ACAP2: variants seen among roughly 807,000 people sequenced by gnomAD.
ACAP2 encodes ArfGAP with coiled-coil, ankyrin repeat and PH domains 2.
Under a neutral mutation model 115.8 loss-of-function variants are expected in ACAP2, and 39 were observed. That is an observed-to-expected ratio of 0.34 (90% CI 0.26 to 0.44). The LOEUF (loss-of-function observed/expected upper bound fraction) is 0.44. Ranked by LOEUF, ACAP2 falls within the 20% of genes least tolerant of loss-of-function variation. ACAP2 has a pLI of 1.00. For synonymous variants in ACAP2, 289 were observed against 315.8 expected (o/e 0.92, Z 0.90); for missense variants, 662 against 927.6 (o/e 0.71, Z 3.72).
intron 4 of ACAP2, among the ~76,000 whole-genome samples, chr3:195,357,406 C>T (rs552052603): frequency 2.6e-5 from 4 of 152,222 alleles, no homozygotes; most frequent in South Asian, 4.2e-4. Flanking sequence ...TTCACCACCC[C>T]GAAGGGAAAT....
chr3:195,375,555 T>G (rs1373177567), intron 4 of ACAP2, among the ~76,000 whole-genome samples: 1 of 150,380 alleles, frequency 6.6e-6, no homozygotes, highest in Non-Finnish European at 1.5e-5. Context: ...CTCACACCTG[T>G]AATCCCAGCA....
intron 1 of ACAP2, among the ~76,000 whole-genome samples, chr3:195,395,634 G>A (rs1055900029): frequency 5.9e-5 from 9 of 152,220 alleles, no homozygotes; most frequent in Non-Finnish European, 8.8e-5. Flanking sequence ...ACGCCATGAT[G>A]GCGTAGTTGA....
intron 3 of ACAP2, 27 bp from the exon 4 acceptor site, chr3:195,381,089 C>T: frequency 5.7e-6 from 9 of 1,574,618 alleles, no homozygotes; most frequent in Non-Finnish European, 7.7e-6. Context: ...AAAAGAAAAC[C>T]AAATCATTTA....
At chr3:195,406,609 G>C (rs1202844395) in intron 1 of ACAP2, among the ~76,000 whole-genome samples, 1 of 152,208 alleles carries the variant, frequency 6.6e-6, no homozygotes, top group African/African-American at 2.4e-5. Flanking sequence ...TGAGTTTACA[G>C]GGGTAAGCCT....
At chr3:195,442,562 G>A (rs1274806059) in intron 1 of ACAP2, among the ~76,000 whole-genome samples, 3 of 152,192 alleles carry the variant, frequency 2.0e-5, no homozygotes, top group African/African-American at 2.4e-5. Flanking sequence ...CCCCGGCAGA[G>A]GGCAAGGAAA....
Position 195,295,775 on chromosome 3 carries a change from T to C in ACAP2, c.1605A>G (p.Glu535=). 6.2e-7 allele frequency: 1 copy of C among 1,614,146 alleles called. No individual in the cohort carries two copies. Among genetic ancestry groups the C allele is most frequent in the Non-Finnish European group, 8.5e-7 (1 of 1,180,004 alleles). The stretch of plus-strand genomic sequence containing the variant: ...ATTTAGAAATGCTCAGCCTCTTTTC[T>C]TCAGAACTTTTAGAGACAAACTTTT... ...QQKKFVSKSS[E]EKRLSISKFG... Residue 535 remains glutamate, a synonymous_variant, in exon 17 of 23, where the codon GAA becomes GAG. Transcript: ENST00000326793.
Position 195,292,245 on chromosome 3 carries a change from G to C in ACAP2, c.1953+20C>G, listed in dbSNP as rs1414002372. 2 of 1,531,606 alleles carry C rather than the reference G, an allele frequency of 1.3e-6. No individual in the cohort carries two copies. The highest frequency in any genetic ancestry group is 8.8e-7 in the Non-Finnish European group (1 of 1,141,700). 94.9% of individuals were successfully genotyped at this position (1,531,606 alleles called of 1,614,324 possible). On this transcript the variant is annotated intron_variant, in intron 19 of 22. Transcript: ENST00000326793. ...TAAATATTTGATTGCTACTGAAAAT[G>C]TCATTGTATAAACGCATACCCCTAA...
chr3:195,341,152 A>G, intron 6 of ACAP2, among the ~76,000 whole-genome samples: 1 of 152,132 alleles, frequency 6.6e-6, no homozygotes, highest in Non-Finnish European at 1.5e-5. Context: ...ATTCCATGAT[A>G]TATAGAAACA....
Position 195,291,801 on chromosome 3 carries a change from C to A in ACAP2, c.1968G>T (p.Thr656=). The A allele has an allele frequency of 3.7e-6, 6 of 1,612,898 alleles. No homozygotes were observed. The highest frequency in any genetic ancestry group is 5.1e-6 in the Non-Finnish European group (6 of 1,179,576). The change falls in exon 20 of 23, where the codon ACG becomes ACT. Residue 656 remains threonine, a synonymous_variant. Transcript: ENST00000326793. ...CACCATTCTGTAGGAGGAACTCACA[C>A]GTCACCAAAGAGCCCTTAAAGGAAA... ...IQAVLGGSLV[T]CEFLLQNGAN...
intron 1 of ACAP2, among the ~76,000 whole-genome samples, chr3:195,426,513 A>G (rs1020092461): frequency 4.6e-5 from 7 of 152,192 alleles, no homozygotes; most frequent in African/African-American, 1.4e-4. Context: ...ATTATCAATA[A>G]TCTAGAGAAG....
chr3:195,364,585 A>G lies in ACAP2; in HGVS notation c.285+16424T>C, dbSNP rs867913018. 1.3e-5 allele frequency among the ~76,000 whole-genome samples: 2 copies of G among 152,274 alleles called. 1 individual carries two copies. Among genetic ancestry groups the G allele is most frequent in the South Asian group, 4.1e-4 (2 of 4,822 alleles). ...GACTCTGTCTCAAATAAATAAATAA[A>G]TAAATAAAATAAAGGTTTTTATCCA... is the stretch of plus-strand genomic sequence containing the variant. On this transcript the variant is annotated intron_variant, in intron 4 of 22. Transcript: ENST00000326793.
intron 1 of ACAP2, among the ~76,000 whole-genome samples, chr3:195,417,838 A>G (rs892664306): frequency 2.0e-5 from 3 of 152,028 alleles, no homozygotes; most frequent in African/African-American, 7.2e-5. Flanking sequence ...AGTCCCAGCT[A>G]TTGAGGAGGC....
intron 1 of ACAP2, among the ~76,000 whole-genome samples, chr3:195,417,623 C>T (rs1172760326): frequency 6.6e-6 from 1 of 152,136 alleles, no homozygotes; most frequent in African/African-American, 2.4e-5. Flanking sequence ...CTGCAAGTAC[C>T]ATGTTCTTTA....
chr3:195,401,888 A>G (rs1019569660), intron 1 of ACAP2, among the ~76,000 whole-genome samples: 2 of 152,176 alleles, frequency 1.3e-5, no homozygotes, highest in Non-Finnish European at 2.9e-5. Context: ...CAAGATCTGT[A>G]AAGAGGAAGC....
chr3:195,307,521 T>C (rs1346417990), intron 11 of ACAP2, among the ~76,000 whole-genome samples, 198 bp from the exon 12 acceptor site: 3 of 152,182 alleles, frequency 2.0e-5, no homozygotes, highest in African/African-American at 4.8e-5. Flanking sequence ...ATAAATTATA[T>C]AGAGATTAAA....
At chr3:195,381,819 T>C (rs1733957846) in intron 3 of ACAP2, 84 bp downstream of exon 3, 7 of 1,459,952 alleles carry the variant, frequency 4.8e-6, no homozygotes, top group Non-Finnish European at 6.5e-6. Flanking sequence ...ACCATAACTA[T>C]AAATCAGGTA....
intron 4 of ACAP2, chr3:195,349,841 G>T (rs1473879893): frequency 5.6e-6 from 2 of 356,348 alleles, no homozygotes; most frequent in Non-Finnish European, 1.1e-5. Context: ...CTAGATGTGC[G>T]CATTGACACC....
intron 1 of ACAP2, among the ~76,000 whole-genome samples, chr3:195,406,036 A>C (rs1560336810): frequency 6.6e-6 from 1 of 152,158 alleles, no homozygotes; most frequent in Non-Finnish European, 1.5e-5. Context: ...ATTTAACATG[A>C]GATTTGGGCG....
At chr3:195,344,583 C>T (rs1173263208) in intron 5 of ACAP2, among the ~76,000 whole-genome samples, 2 of 151,672 alleles carry the variant, frequency 1.3e-5, no homozygotes, top group South Asian at 2.1e-4. Flanking sequence ...TGCGATGGCG[C>T]GATCTCAGCT....
Sources: gnomAD v4.1 joint callset for allele counts (sites outside exome capture counted in the v4.1 genomes callset) on GRCh38, gnomAD v4.1.1 for gene constraint, MANE v1.5 for transcripts, NCBI Gene and HGNC (gene_info 2026-07-23, HGNC 2026-07-21) for gene names.